PCDHGB1: variants seen among roughly 807,000 people sequenced by gnomAD.
PCDHGB1 encodes the protein protocadherin gamma subfamily B, 1, also known as protocadherin gamma-B1.
Under a neutral mutation model 56.6 loss-of-function variants are expected in PCDHGB1, and 34 were observed. That is an observed-to-expected ratio of 0.60 (90% CI 0.46 to 0.80). The LOEUF (loss-of-function observed/expected upper bound fraction) is 0.80, where lower values mean the gene tolerates loss of function less well. PCDHGB1 is among the 30% of genes least tolerant of loss of function. The probability of loss-of-function intolerance (pLI) is 0.00; values close to 1 mark genes in which losing one functional copy is unlikely to be tolerated. For synonymous variants in PCDHGB1, 561 were observed against 505.9 expected, an observed-to-expected ratio of 1.11 and a Z score of -1.46; for missense variants, 1,278 against 1,204.6, an observed-to-expected ratio of 1.06 and a Z score of -0.90.
intron 1 of PCDHGB1, chr5:141,411,213 CTATT>C (rs1479996814): frequency 1.3e-5 from 2 of 152,186 alleles, no homozygotes; most frequent in African/African-American, 2.4e-5. Context: ...AGTAACCTAT[CTATT>C]CAAATTTGCG....
At position 141,389,423 on chromosome 5, in the gene PCDHGB1, C is replaced by G. The variant is rs779826135; in HGVS notation, c.2409+36754C>G. 11 of 1,613,516 alleles carry G rather than the reference C, an allele frequency of 6.8e-6. No individual in the cohort carries two copies. The highest frequency in any genetic ancestry group is 9.3e-6 in the Non-Finnish European group (11 of 1,179,902). ...TAAGCGCGGAGAGCGGGGTGGTGTT[C>G]GCGCAGCGCGCCTTCGACCACGAGC... On this transcript the variant is annotated intron_variant, in intron 1 of 3. Coordinates refer to ENST00000523390, the MANE Select transcript of PCDHGB1 (RefSeq NM_018922.3).
chr5:141,389,303 G>C, intron 1 of PCDHGB1: 3 of 1,614,000 alleles, frequency 1.9e-6, no homozygotes, highest in Non-Finnish European at 2.5e-6. Flanking sequence ...CACAAGTCAG[G>C]GCTTCTGATC....
chr5:141,365,402 G>A (rs1437859206), intron 1 of PCDHGB1: 2 of 1,613,998 alleles, frequency 1.2e-6, no homozygotes, highest in South Asian at 2.2e-5. Context: ...TTCGATCTCT[G>A]AAGACTGTCT....
At position 141,427,736 on chromosome 5, in the gene PCDHGB1, A is replaced by G. The variant is rs781594851; in HGVS notation, c.2410-67071A>G. 3.3e-6 allele frequency: 4 copies of G among 1,214,562 alleles called. No individual in the cohort carries two copies. In the South Asian group the frequency reaches 4.9e-5, roughly 15 times the overall value. The allele number at this position is 1,214,562 out of a possible 1,614,324, so 75.2% of individuals were successfully genotyped here. ...ACCTGGACCTAGGGCTGAATGGCCA[A>G]GTCTCCTACTCCATCGTTACCACTG... On this transcript the variant is annotated intron_variant, in intron 1 of 3. Coordinates refer to ENST00000523390, the MANE Select transcript of PCDHGB1 (RefSeq NM_018922.3).
At chr5:141,505,296 G>A (rs1174492966) in intron 2 of PCDHGB1, 97 bp from the exon 3 acceptor site, 1 of 1,584,850 alleles carries the variant, frequency 6.3e-7, no homozygotes, top group Non-Finnish European at 8.6e-7. Context: ...ATGGGGTAGG[G>A]TTAGGGTACT....
intron 1 of PCDHGB1, among the ~76,000 whole-genome samples, chr5:141,473,380 G>A (rs1363453338): frequency 6.6e-6 from 1 of 152,204 alleles, no homozygotes; most frequent in African/African-American, 2.4e-5. Context: ...CATGGTCCCT[G>A]CCCTCCTGGA....
chr5:141,423,233 TC>T, intron 1 of PCDHGB1: 1 of 1,613,860 alleles, frequency 6.2e-7, no homozygotes, highest in Non-Finnish European at 8.5e-7. Flanking sequence ...GCCGACAGCA[TC>T]CCCGAAGTCC....
intron 1 of PCDHGB1, chr5:141,415,634 C>T: frequency 6.3e-7 from 1 of 1,589,948 alleles, no homozygotes; most frequent in East Asian, 2.3e-5. Flanking sequence ...TTCATTTTTA[C>T]TTTTGTTAAA....
At chr5:141,433,605 G>A (rs1411907056) in intron 1 of PCDHGB1, among the ~76,000 whole-genome samples, 1 of 152,114 alleles carries the variant, frequency 6.6e-6, no homozygotes, top group South Asian at 2.1e-4. Context: ...GGAGGCCGAG[G>A]CGGGTGGATC....
Position 141,463,438 on chromosome 5 carries a change from CTTTTTTTTT to C in PCDHGB1, c.2410-31349_2410-31341del, listed in dbSNP as rs71576115. 5.5e-3 allele frequency among the ~76,000 whole-genome samples: 572 copies of C among 103,208 alleles called. 4 individuals carry two copies. The highest frequency in any genetic ancestry group is 8.7e-3 in the Non-Finnish European group (462 of 53,292). The allele number at this position is 103,208 out of a possible 152,430, so 67.7% of individuals were successfully genotyped here. On this transcript the variant is annotated intron_variant, in intron 1 of 3. Transcript: ENST00000523390. ...GTTTGCGGATCCTCATTTCCTTCTC[CTTTTTTTTT>C]TTTTTTTTTTTTTTTTTTTGAGATG...
chr5:141,478,385 T>C (rs919846683), intron 1 of PCDHGB1: 1 of 1,613,628 alleles, frequency 6.2e-7, no homozygotes, highest in Non-Finnish European at 8.5e-7. Context: ...GCCGCACCTT[T>C]ACCATCAGGT....
At chr5:141,363,137 AT>A (rs1429876533) in intron 1 of PCDHGB1, among the ~76,000 whole-genome samples, 1 of 152,234 alleles carries the variant, frequency 6.6e-6, no homozygotes, top group Admixed American at 6.5e-5. Context: ...GAAAGAGTGC[AT>A]TTAACAAATG....
rs1394234849 is a variant in PCDHGB1 at position 141,415,739 on chromosome 5, GGTTT to G, written c.2409+63071_2409+63074del. The G allele has an allele frequency of 1.9e-3, 837 of 434,806 alleles. 9 individuals are homozygous for G. In the African/African-American group the frequency reaches 0.026, roughly 14 times the overall value. The allele number at this position is 434,806 out of a possible 1,614,324, so 26.9% of individuals were successfully genotyped here. A position where few individuals can be genotyped will look rare whatever the true frequency, so the allele number is the denominator to read the frequency against. On this transcript the variant is annotated intron_variant, in intron 1 of 3. Coordinates refer to ENST00000523390, the MANE Select transcript of PCDHGB1 (RefSeq NM_018922.3). ...ATGAGTAGAATTTGATGTTTATTAAGGTTTTTTTTTTTTTTTTTTTTTTTTTTTT... is the reference window on the plus strand; with the variant it reads ...ATGAGTAGAATTTGATGTTTATTAAGTTTTTTTTTTTTTTTTTTTTTTTTT...
At chr5:141,424,772 G>A (rs2096839878) in intron 1 of PCDHGB1, 1 of 152,086 alleles carries the variant, frequency 6.6e-6, no homozygotes, top group Non-Finnish European at 1.5e-5. Flanking sequence ...ATGGCAAATA[G>A]TACATTCAGT....
intron 1 of PCDHGB1, among the ~76,000 whole-genome samples, chr5:141,448,573 AT>A (rs976781630): frequency 1.3e-5 from 2 of 151,652 alleles, no homozygotes; most frequent in East Asian, 1.9e-4. Flanking sequence ...TTATTTCCCC[AT>A]TTTTTTTACA....
In PCDHGB1 at chr5:141,364,151, G is replaced by T. The variant is rs1285824596; in HGVS notation, c.2409+11482G>T. The T allele has an allele frequency of 1.1e-5, 6 of 558,010 alleles. No individual in the cohort carries two copies. The African/African-American group carries it at 1.2e-4, about 11-fold the overall frequency. 34.6% of individuals were successfully genotyped at this position (558,010 alleles called of 1,614,324 possible). ...TGTTGACCAAAGTGGGAAAGAAGCT[G>T]CCGCAGAGGCGACCCGACTCTGCTC... On this transcript the variant is annotated intron_variant, in intron 1 of 3. Transcript: ENST00000523390.
intron 1 of PCDHGB1, chr5:141,478,576 G>T (rs543160289): frequency 5.0e-6 from 8 of 1,585,598 alleles, no homozygotes; most frequent in Non-Finnish European, 6.9e-6. Flanking sequence ...GCTTGACCCT[G>T]TTAGTGCTTT....
At position 141,511,916 on chromosome 5, in the gene PCDHGB1, C is replaced by T. The variant is rs2099884006; in HGVS notation, c.*743C>T. ...CCACCTCCTCCTCAAACAAGAGACT[C>T]CACTGCATGTTCCAAGACAGTATGG... On this transcript the variant is annotated 3_prime_UTR_variant, in exon 4 of 4. Coordinates refer to ENST00000523390, the MANE Select transcript of PCDHGB1 (RefSeq NM_018922.3). The T allele has an allele frequency of 6.4e-6, 1 of 156,466 alleles. No individual in the cohort carries two copies. The highest frequency in any genetic ancestry group is 2.4e-5 in the African/African-American group (1 of 41,474). The allele number at this position is 156,466 out of a possible 1,614,324, so 9.7% of individuals were successfully genotyped here.
chr5:141,486,089 G>T lies in PCDHGB1; in HGVS notation c.2410-8718G>T, dbSNP rs2099624123. On this transcript the variant is annotated intron_variant, in intron 1 of 3. Coordinates refer to ENST00000523390, the MANE Select transcript of PCDHGB1 (RefSeq NM_018922.3). The surrounding 1 kb of genome is among the most constrained non-coding windows in gnomAD (Gnocchi z 5.0). ...CACTACTGGAAAGCTTACTCTTTTG[G>T]GGCCCCTAGACTTTGAGAGTGAGAA... is the stretch of plus-strand genomic sequence containing the variant. 1 of 1,614,084 alleles carries T rather than the reference G, an allele frequency of 6.2e-7. No individual in the cohort carries two copies. The highest frequency in any genetic ancestry group is 8.5e-7 in the Non-Finnish European group (1 of 1,180,014).
Sources: allele counts gnomAD v4.1 joint callset (sites outside exome capture counted in the v4.1 genomes callset), GRCh38; gene constraint gnomAD v4.1.1; non-coding constraint Gnocchi (gnomAD v3.1); transcripts MANE v1.5; gene names NCBI Gene and HGNC (gene_info 2026-07-23, HGNC 2026-07-21).